Variants in TMEM184B observed in about 807,000 individuals in gnomAD.
TMEM184B encodes the protein putative MAPK-activating protein FM08.
A neutral mutation model predicts 41.8 loss-of-function variants in TMEM184B; 17 were observed. The ratio of observed to expected loss-of-function variants is 0.41; its 90% confidence interval spans 0.28 to 0.61. TMEM184B has a LOEUF of 0.61. TMEM184B is among the 20% of genes least tolerant of loss of function. The pLI is 0.34. For missense variants in TMEM184B, 393 were observed against 557.8 expected, an observed-to-expected ratio of 0.70 and a Z score of 2.98; for synonymous variants, 240 against 229.5, an observed-to-expected ratio of 1.05 and a Z score of -0.41.
chr22:38,233,766 GTTTTTTGTTTTTGCT>G (rs957093012), intron 3 of TMEM184B, among the ~76,000 whole-genome samples: 2 of 151,872 alleles, frequency 1.3e-5, no homozygotes, highest in Non-Finnish European at 2.9e-5. Context: ...TGTTGTTTTT[GTTTTTTGTTTTTGCT>G]TTTTTTGAGA....
downstream of TMEM184B, among the ~76,000 whole-genome samples, chr22:38,218,197 C>G (rs1203300588): frequency 6.6e-6 from 1 of 152,184 alleles, no homozygotes; most frequent in Non-Finnish European, 1.5e-5. Flanking sequence ...AAACCATAAC[C>G]CTGTGTCTTG....
Position 38,231,318 on chromosome 22 carries a change from A to AT in TMEM184B, c.374dup (p.Asn125LysfsTer8). 6.2e-7 allele frequency: 1 copy of AT among 1,614,188 alleles called. No individual in the cohort carries two copies. The highest frequency in any genetic ancestry group is 8.5e-7 in the Non-Finnish European group (1 of 1,180,032). On this transcript the variant is annotated frameshift_variant, in exon 4 of 9. Transcript: ENST00000361906. LOFTEE classifies it high-confidence loss of function. Reference sequence around the variant, plus strand: ...GGTACTCATAGCACAGGCTCAGGAAATTATAGATGACCAAGGCTGCGAAGA... The same window carrying AT: ...GGTACTCATAGCACAGGCTCAGGAAATTTATAGATGACCAAGGCTGCGAAGA...
downstream of TMEM184B, among the ~76,000 whole-genome samples, chr22:38,218,327 G>A (rs2091174972): frequency 6.6e-6 from 1 of 152,220 alleles, no homozygotes; most frequent in Non-Finnish European, 1.5e-5. Context: ...GAATCTAGGT[G>A]TCTGTTCTTA....
rs1602416865 is a variant in TMEM184B, at chr22:38,239,964, G to A, written c.358+5971C>T. ...GCAATTTTTTTTTTTTCTGGGGCGG[G>A]TAGAGATGAGGTCGAGGTCTCGCTC... On this transcript the variant is annotated intron_variant, in intron 3 of 8. Transcript: ENST00000361906. This position sits in a 1 kb window ranked among gnomAD's most constrained non-coding sequence, Gnocchi z 4.6. Among the ~76,000 whole-genome samples, 1 of 151,846 alleles carries A rather than the reference G, an allele frequency of 6.6e-6. No individual in the cohort carries two copies. The highest frequency in any genetic ancestry group is 1.9e-4 in the East Asian group (1 of 5,182).
intron 1 of TMEM184B, among the ~76,000 whole-genome samples, chr22:38,266,663 T>C (rs1019136777): frequency 5.9e-5 from 9 of 152,236 alleles, no homozygotes; most frequent in African/African-American, 2.2e-4. Flanking sequence ...AAGTAAACAA[T>C]GAGATAACGT....
At chr22:38,231,435 G>GGCTC in intron 3 of TMEM184B, 101 bp from the exon 4 acceptor site, 1 of 972,738 alleles carries the variant, frequency 1.0e-6, no homozygotes, top group Non-Finnish European at 1.7e-6. Flanking sequence ...CCACAGCTGT[G>GGCTC]TGTGGCAACA....
intron 1 of TMEM184B, among the ~76,000 whole-genome samples, chr22:38,253,941 C>T (rs551938959): frequency 9.2e-5 from 14 of 152,296 alleles, no homozygotes; most frequent in African/African-American, 2.9e-4. Context: ...TGGTTCACAC[C>T]TGTAATCCCA....
At chr22:38,250,109 A>G (rs2145710376) in intron 1 of TMEM184B, among the ~76,000 whole-genome samples, 1 of 152,330 alleles carries the variant, frequency 6.6e-6, no homozygotes, top group Non-Finnish European at 1.5e-5. Context: ...TCCCTTCCAA[A>G]TTCGCAAGCT....
At chr22:38,235,346 A>T (rs541902752) in intron 3 of TMEM184B, among the ~76,000 whole-genome samples, 2 of 152,338 alleles carry the variant, frequency 1.3e-5, no homozygotes, top group East Asian at 3.9e-4. Context: ...GGGAGAGCCC[A>T]TCCCTGCAGT....
intron 8 of TMEM184B, among the ~76,000 whole-genome samples, chr22:38,224,324 C>T (rs1378266119): frequency 6.6e-6 from 1 of 152,186 alleles, no homozygotes; most frequent in African/African-American, 2.4e-5. Flanking sequence ...CCGTGTTAGC[C>T]AGGATGGTCT....
chr22:38,233,750 T>C (rs1274624646), intron 3 of TMEM184B, among the ~76,000 whole-genome samples: 1 of 151,816 alleles, frequency 6.6e-6, no homozygotes, highest in Non-Finnish European at 1.5e-5. Flanking sequence ...TGGTTGTATT[T>C]TTTTTTGTTG....
At chr22:38,231,132 G>T in intron 4 of TMEM184B, 112 bp downstream of exon 4, 2 of 950,266 alleles carry the variant, frequency 2.1e-6, no homozygotes, top group Non-Finnish European at 3.5e-6. Context: ...GGCACAGCAG[G>T]TCAAGGTCAC....
chr22:38,252,272 G>A (rs929192454), intron 1 of TMEM184B, among the ~76,000 whole-genome samples: 5 of 151,960 alleles, frequency 3.3e-5, no homozygotes, highest in South Asian at 4.1e-4. Flanking sequence ...TGTTACTCAC[G>A]CTGGTCTCGA....
chr22:38,231,573 C>A (rs1347607294), intron 3 of TMEM184B: 2 of 647,956 alleles, frequency 3.1e-6, no homozygotes, highest in South Asian at 3.4e-5. Flanking sequence ...CACCCCTGCA[C>A]TGGCGTAATA....
intron 3 of TMEM184B, among the ~76,000 whole-genome samples, chr22:38,236,817 G>A (rs1026870729): frequency 6.6e-6 from 1 of 152,148 alleles, no homozygotes; most frequent in Non-Finnish European, 1.5e-5. Flanking sequence ...AACGGGCAGA[G>A]TCCAGAGGTG....
intron 8 of TMEM184B, 156 bp from the exon 9 acceptor site, chr22:38,221,866 T>C: frequency 9.0e-7 from 1 of 1,110,652 alleles, no homozygotes; most frequent in Non-Finnish European, 1.2e-6. Flanking sequence ...GTCCAGGATA[T>C]GAGAAGGGGC....
downstream of TMEM184B, among the ~76,000 whole-genome samples, chr22:38,218,939 G>A (rs950771558): frequency 6.6e-5 from 10 of 152,154 alleles, no homozygotes; most frequent in African/African-American, 2.2e-4. Context: ...TCCCAGAGAC[G>A]CAGGAAGCTC....
At position 38,263,793 on chromosome 22, in the gene TMEM184B, A is replaced by G. The variant is rs189815265; in HGVS notation, c.-59+9091T>C. ...TGAGCCTCAATGTTGGGGGAAATAT[A>G]GAAAATATGTAGGTTTCTGTTTGTT... On this transcript the variant is annotated intron_variant, in intron 1 of 8. Coordinates refer to ENST00000361906, the MANE Select transcript of TMEM184B (RefSeq NM_012264.5). Among the ~76,000 whole-genome samples the G allele has an allele frequency of 9.7e-4, 148 of 152,298 alleles. 1 individual carries two copies. Among genetic ancestry groups the G allele is most frequent in the Admixed American group, 1.1e-3 (17 of 15,288 alleles).
chr22:38,220,751 G>A lies in TMEM184B; in HGVS notation c.*718C>T. 1 of 986,340 alleles carries A rather than the reference G, an allele frequency of 1.0e-6. No individual in the cohort carries two copies. The highest frequency in any genetic ancestry group is 1.2e-6 in the Non-Finnish European group (1 of 830,284). The allele number at this position is 986,340 out of a possible 1,614,324, so 61.1% of individuals were successfully genotyped here. A position where few individuals can be genotyped will look rare whatever the true frequency, so the allele number is the denominator to read the frequency against. On this transcript the variant is annotated 3_prime_UTR_variant, in exon 9 of 9. Coordinates refer to ENST00000361906, the MANE Select transcript of TMEM184B (RefSeq NM_012264.5). ...CTGTGGGCTGTCCTTGGTAGGCCAG[G>A]GGGAAGGGGCATGAGGCAGGCAGAG...
Sources: allele counts gnomAD v4.1 joint callset (sites outside exome capture counted in the v4.1 genomes callset), GRCh38; gene constraint gnomAD v4.1.1; non-coding constraint Gnocchi (gnomAD v3.1); transcripts MANE v1.5; gene names NCBI Gene and HGNC (gene_info 2026-07-23, HGNC 2026-07-21).